The following UVSSA variants were observed in gnomAD, a reference collection of about 807,000 sequenced individuals.
UVSSA encodes the protein UV-stimulated scaffold protein A.
UVSSA carries 72 observed loss-of-function variants against 73.9 expected under a neutral mutation model. The observed-to-expected ratio is 0.97, with a 90% CI of 0.81 to 1.19. UVSSA has a LOEUF of 1.19. UVSSA is among the 50% of genes most tolerant of loss of function. The probability of loss-of-function intolerance (pLI) is 0.00; values close to 1 mark genes in which losing one functional copy is unlikely to be tolerated. For missense variants in UVSSA, 1,150 were observed against 965.0 expected (o/e 1.19, Z -2.54); for synonymous variants, 454 against 391.3 (o/e 1.16, Z -1.89).
chr4:1,375,286 C>T (rs890607201), intron 8 of UVSSA, 78 bp from the exon 9 acceptor site: 52 of 1,584,896 alleles, frequency 3.3e-5, no homozygotes, highest in Admixed American at 1.2e-4. Flanking sequence ...ATAGGCGCGT[C>T]CTAACTGCCC....
chr4:1,389,712 G>C (rs1325552936), downstream of UVSSA: 2 of 151,828 alleles, frequency 1.3e-5, no homozygotes, highest in Non-Finnish European at 2.9e-5. Flanking sequence ...GTGGAGACAG[G>C]ATCTTGCTGT....
chr4:1,364,969 G>A (rs965116736), intron 7 of UVSSA, among the ~76,000 whole-genome samples: 4 of 152,218 alleles, frequency 2.6e-5, no homozygotes, highest in Non-Finnish European at 5.9e-5. Context: ...CGCCCTGGGG[G>A]CTGCGTGCGA....
chr4:1,353,939 CGCCCCCGCCCCCCA>C (rs1423842450), intron 5 of UVSSA, among the ~76,000 whole-genome samples: 1 of 152,216 alleles, frequency 6.6e-6, no homozygotes, highest in Non-Finnish European at 1.5e-5. Context: ...GAGACATAGC[CGCCCCCGCCCCCCA>C]GCCCCAGCTT....
At chr4:1,377,994 C>T (rs906938298) in intron 10 of UVSSA, among the ~76,000 whole-genome samples, 2 of 152,234 alleles carry the variant, frequency 1.3e-5, no homozygotes, top group African/African-American at 4.8e-5. Flanking sequence ...CAGTTGAGGG[C>T]CACACTCCTC....
chr4:1,374,665 G>C (rs891418407), intron 8 of UVSSA, among the ~76,000 whole-genome samples: 1 of 152,222 alleles, frequency 6.6e-6, no homozygotes, highest in Non-Finnish European at 1.5e-5. Context: ...CTTGGTCCTT[G>C]GAATTCAGCC....
At chr4:1,352,701 C>T (rs532672597) in intron 4 of UVSSA, among the ~76,000 whole-genome samples, 3 of 152,364 alleles carry the variant, frequency 2.0e-5, no homozygotes, top group South Asian at 2.1e-4. Context: ...CCTGTCATCC[C>T]GGCACTTTGG....
intron 12 of UVSSA, among the ~76,000 whole-genome samples, chr4:1,382,468 G>A (rs1206218714): frequency 2.0e-5 from 3 of 152,220 alleles, no homozygotes; most frequent in Admixed American, 6.5e-5. Context: ...TGCAGGGCCC[G>A]TCAGCGCCCA....
rs115168119 is a variant in UVSSA, at chr4:1,395,086, G to A, written c.*9125G>A. 3.9e-5 allele frequency: 52 copies of A among 1,323,476 alleles called. 6 individuals carry two copies. The African/African-American group carries it at 5.1e-4, about 13-fold the overall frequency. The allele number at this position is 1,323,476 out of a possible 1,614,324, so 82.0% of individuals were successfully genotyped here. On this transcript the variant is annotated 3_prime_UTR_variant, in exon 14 of 14. Coordinates refer to the UVSSA transcript ENST00000511216. ...ACGTGGAGTGCCCGCCTGATCACAC[G>A]TGCCCATGTGGAGTGCTCGCCTGCT... is the stretch of plus-strand genomic sequence containing the variant.
At chr4:1,349,397 G>T in intron 2 of UVSSA, 127 bp from the exon 3 acceptor site, 1 of 892,158 alleles carries the variant, frequency 1.1e-6, no homozygotes, top group Non-Finnish European at 1.7e-6. Context: ...TAGAAAAGGG[G>T]AGAATGAAGA....
chr4:1,376,562 C>G (rs868663670), intron 10 of UVSSA, among the ~76,000 whole-genome samples: 1 of 152,188 alleles, frequency 6.6e-6, no homozygotes, highest in Non-Finnish European at 1.5e-5. Context: ...TCACGGTGAC[C>G]GTGTGTCCAG....
In UVSSA at chr4:1,386,211, C is replaced by T. The variant is rs769519876; in HGVS notation, c.*250C>T. 7 of 481,862 alleles carry T rather than the reference C, an allele frequency of 1.5e-5. No individual in the cohort carries two copies. The highest frequency in any genetic ancestry group is 2.7e-5 in the Non-Finnish European group (7 of 263,270). The allele number at this position is 481,862 out of a possible 1,614,324, so 29.8% of individuals were successfully genotyped here. ...TGGAGATGTGAACACAGGCAGCGACCCTGTTCCAGAGGGCTTCTGCGAGTC... is the reference window on the plus strand; with the variant it reads ...TGGAGATGTGAACACAGGCAGCGACTCTGTTCCAGAGGGCTTCTGCGAGTC... On this transcript the variant is annotated 3_prime_UTR_variant, in exon 14 of 14. Transcript: ENST00000389851.
chr4:1,344,413 T>C (rs1713537531), upstream of UVSSA, among the ~76,000 whole-genome samples: 1 of 151,734 alleles, frequency 6.6e-6, no homozygotes, highest in Non-Finnish European at 1.5e-5. Context: ...TAGCTGGGCG[T>C]GGTGGTGGGC....
At chr4:1,385,634 G>A (rs993388284) in intron 13 of UVSSA, 13 of 563,118 alleles carry the variant, frequency 2.3e-5, no homozygotes, top group Middle Eastern at 4.8e-4. Flanking sequence ...ACCACCCGCC[G>A]CAGACTCCGC....
chr4:1,346,892 C>T (rs1386094456), upstream of UVSSA, among the ~76,000 whole-genome samples: 1 of 152,242 alleles, frequency 6.6e-6, no homozygotes, highest in Non-Finnish European at 1.5e-5. Context: ...GCGTCCCCCT[C>T]CCCACCCCCG....
intron 7 of UVSSA, among the ~76,000 whole-genome samples, chr4:1,355,534 G>A (rs1346539521): frequency 6.6e-6 from 1 of 152,216 alleles, no homozygotes; most frequent in Non-Finnish European, 1.5e-5. Context: ...CACCAGTCAG[G>A]CTGTCCCCCC....
upstream of UVSSA, among the ~76,000 whole-genome samples, chr4:1,343,735 C>T (rs1180798306): frequency 6.6e-6 from 1 of 151,994 alleles, no homozygotes; most frequent in Non-Finnish European, 1.5e-5. Context: ...TGCAGTGAGC[C>T]AAGATCGCAC....
Position 1,355,192 on chromosome 4 carries a change from C to A in UVSSA, c.1123C>A (p.Leu375Met). The change falls in exon 7 of 14, where the codon CTG becomes ATG. Residue 375 changes from leucine (L) to methionine (M), a missense_variant. Coordinates refer to ENST00000389851, the MANE Select transcript of UVSSA (RefSeq NM_020894.4). ...CCTGAAGGCTGAATTGGAGCTCGTA[C>A]TGAGAAAATACAAGGAGCTGGACAT... ...IDLKAELELV[L>M]RKYKELDIEP... is the part of the protein sequence containing the mutation. The A allele has an allele frequency of 6.2e-7, 1 of 1,613,640 alleles. No homozygotes were observed. Among genetic ancestry groups the A allele is most frequent in the East Asian group, 2.2e-5 (1 of 44,854 alleles).
chr4:1,369,555 A>T (rs977360145), intron 8 of UVSSA, among the ~76,000 whole-genome samples: 2 of 152,176 alleles, frequency 1.3e-5, no homozygotes, highest in African/African-American at 4.8e-5. Flanking sequence ...CTTCCTCTGA[A>T]TTTTCACTGA....
Position 1,348,146 on chromosome 4 carries a change from C to T in UVSSA, c.55C>T (p.Arg19Ter), listed in dbSNP as rs199574083. The change falls in exon 2 of 14, where the codon CGA becomes TGA. Residue 19 changes from arginine (R) to a stop codon, truncating the protein, a stop_gained. Coordinates refer to ENST00000389851, the MANE Select transcript of UVSSA (RefSeq NM_020894.4). LOFTEE classifies it high-confidence loss of function. ...VEELTTSGEP[R>*]LNPEKMKELK... Reference sequence around the variant, plus strand: ...AGAGCTCACAACTTCAGGAGAACCCCGACTAAATCCTGAGAAAATGAAGGA... The same window carrying T: ...AGAGCTCACAACTTCAGGAGAACCCTGACTAAATCCTGAGAAAATGAAGGA... 3.8e-5 allele frequency: 62 copies of T among 1,613,762 alleles called. 1 individual carries two copies. The highest frequency in any genetic ancestry group is 1.6e-4 in the East Asian group (7 of 44,894).
Sources: gnomAD v4.1 joint callset for allele counts (sites outside exome capture counted in the v4.1 genomes callset) on GRCh38, gnomAD v4.1.1 for gene constraint, MANE v1.5 for transcripts, NCBI Gene and HGNC (gene_info 2026-07-23, HGNC 2026-07-21) for gene names.